VPS45: variants seen among roughly 807,000 people sequenced by gnomAD.
The protein encoded by VPS45 is vacuolar protein sorting-associated protein 45.
VPS45 carries 35 observed loss-of-function variants against 75.9 expected under a neutral mutation model. That is an observed-to-expected ratio of 0.46 (90% confidence interval 0.35 to 0.61). The LOEUF (loss-of-function observed/expected upper bound fraction) is 0.61. Ranked by LOEUF, VPS45 falls within the 20% of genes least tolerant of loss-of-function variation. The probability of loss-of-function intolerance (pLI) is 0.00; values close to 1 mark genes in which losing one functional copy is unlikely to be tolerated. For missense variants in VPS45, 559 were observed against 685.9 expected (o/e 0.81, Z 2.07); for synonymous variants, 220 against 238.2 (o/e 0.92, Z 0.70).
intron 14 of VPS45, among the ~76,000 whole-genome samples, chr1:150,117,215 T>C (rs782594574): frequency 1.3e-5 from 2 of 148,312 alleles, no homozygotes; most frequent in Non-Finnish European, 3.0e-5. Context: ...AATAATAAAA[T>C]AATAATAATA....
In VPS45 at chr1:150,067,817, G is replaced by C. The variant is rs782192731; in HGVS notation, c.-41G>C. On this transcript the variant is annotated 5_prime_UTR_variant, in exon 1 of 15. Transcript: ENST00000644510. ...ACTGGGGGTTAATTTAGCCAGAAAA[G>C]GGGGCGGGAAGGGCTGTAGGGTACT... The C allele has an allele frequency of 6.3e-7, 1 of 1,598,726 alleles. No individual in the cohort carries two copies. Among genetic ancestry groups the C allele is most frequent in the Non-Finnish European group, 8.6e-7 (1 of 1,167,224 alleles).
intron 14 of VPS45, among the ~76,000 whole-genome samples, chr1:150,112,606 C>T (rs1657704999): frequency 6.6e-6 from 1 of 152,122 alleles, no homozygotes; most frequent in Admixed American, 6.6e-5. Context: ...ATTCTCCAGA[C>T]ACCAACTGGA....
intron 7 of VPS45, among the ~76,000 whole-genome samples, chr1:150,079,433 CAG>C (rs1382285668): frequency 6.6e-6 from 1 of 152,144 alleles, no homozygotes; most frequent in African/African-American, 2.4e-5. Flanking sequence ...TTTATTGAGA[CAG>C]AGTCTCTCTC....
intron 2 of VPS45, 26 bp from the exon 3 acceptor site, chr1:150,072,140 T>C: frequency 6.3e-7 from 1 of 1,596,778 alleles, no homozygotes; most frequent in South Asian, 1.1e-5. Context: ...TCCTCATATT[T>C]TGTTTGCTTG....
intron 3 of VPS45, among the ~76,000 whole-genome samples, chr1:150,072,612 G>A (rs1655139478): frequency 7.0e-6 from 1 of 143,728 alleles, no homozygotes; most frequent in Admixed American, 7.1e-5. Flanking sequence ...AGCCGAGATT[G>A]CGCCATTGCA....
Position 150,074,016 on chromosome 1 carries a change from G to GTTT in VPS45, c.289+1800_289+1802dup, listed in dbSNP as rs587695099. On this transcript the variant is annotated intron_variant, in intron 3 of 14. Coordinates refer to ENST00000644510, the MANE Select transcript of VPS45 (RefSeq NM_007259.5). ...CTGTGTGTGTGTGTGTGTTGTTTTT[G>GTTT]TTTTTTTTTTTTGTCCGAGAAGCAG... 4.7e-5 allele frequency among the ~76,000 whole-genome samples: 7 copies of GTTT among 147,388 alleles called. 1 individual carries two copies. The highest frequency in any genetic ancestry group is 7.5e-5 in the Non-Finnish European group (5 of 67,050).
intron 7 of VPS45, among the ~76,000 whole-genome samples, chr1:150,079,461 C>T (rs147656139): frequency 6.6e-6 from 1 of 152,256 alleles, no homozygotes; most frequent in Non-Finnish European, 1.5e-5. Context: ...CCCAGATTGG[C>T]GTGATCTCAG....
At chr1:150,075,327 C>T (rs191061353) in intron 3 of VPS45, among the ~76,000 whole-genome samples, 1 of 152,142 alleles carries the variant, frequency 6.6e-6, no homozygotes, top group African/African-American at 2.4e-5. Flanking sequence ...TTGCTGATTG[C>T]ATCCCCAGGG....
chr1:150,120,320 C>A (rs1415593594), intron 14 of VPS45, among the ~76,000 whole-genome samples: 1 of 152,122 alleles, frequency 6.6e-6, no homozygotes, highest in Non-Finnish European at 1.5e-5. Flanking sequence ...ATTTTTATTT[C>A]TGACATATAT....
chr1:150,074,358 C>T (rs1262509995), intron 3 of VPS45, among the ~76,000 whole-genome samples: 6 of 151,714 alleles, frequency 4.0e-5, no homozygotes, highest in African/African-American at 1.5e-4. Flanking sequence ...CTCCTTTGAG[C>T]TGGAACTGCA....
chr1:150,120,996 T>C (rs1658205938), intron 14 of VPS45, among the ~76,000 whole-genome samples: 1 of 151,224 alleles, frequency 6.6e-6, no homozygotes, highest in African/African-American at 2.4e-5. Context: ...GCCTCCTGAG[T>C]AGCTGGGACT....
intron 14 of VPS45, among the ~76,000 whole-genome samples, chr1:150,113,622 G>A (rs900581381): frequency 5.3e-5 from 8 of 152,182 alleles, no homozygotes; most frequent in African/African-American, 1.2e-4. Flanking sequence ...TAAGCCAGGC[G>A]TGGTGGCTCC....
intron 14 of VPS45, among the ~76,000 whole-genome samples, chr1:150,131,241 G>A (rs1178298902): frequency 6.6e-6 from 1 of 152,194 alleles, no homozygotes; most frequent in Non-Finnish European, 1.5e-5. Context: ...GGGCATGGTG[G>A]CTCACACTTG....
chr1:150,083,074 T>C, intron 10 of VPS45, 191 bp downstream of exon 10: 1 of 554,762 alleles, frequency 1.8e-6, no homozygotes, highest in Non-Finnish European at 2.9e-6. Context: ...AATGTGCAAT[T>C]CCCAAGGGTT....
intron 7 of VPS45, 73 bp from the exon 8 acceptor site, chr1:150,081,269 T>G: frequency 7.0e-7 from 1 of 1,424,578 alleles, no homozygotes; most frequent in Non-Finnish European, 9.4e-7. Context: ...TATCAGTTTT[T>G]ATTTGTTTTC....
chr1:150,092,455 T>G, intron 12 of VPS45, 46 bp downstream of exon 12: 1 of 1,496,376 alleles, frequency 6.7e-7, no homozygotes, highest in Non-Finnish European at 9.2e-7. Flanking sequence ...ACAGTTGAAG[T>G]CCTTGAGGCT....
intron 6 of VPS45, 32 bp downstream of exon 6, chr1:150,077,263 A>C (rs1553798333): frequency 6.3e-7 from 1 of 1,594,356 alleles, no homozygotes; most frequent in South Asian, 1.1e-5. Flanking sequence ...GTTCCAAAAC[A>C]TAAAGGCCAT....
chr1:150,075,746 G>T (rs587721090), intron 3 of VPS45, among the ~76,000 whole-genome samples: 1 of 152,026 alleles, frequency 6.6e-6, no homozygotes, highest in South Asian at 2.1e-4. Flanking sequence ...TACTTCCCTA[G>T]TATTCTCATT....
At chr1:150,115,911 A>G (rs1469625273) in intron 14 of VPS45, among the ~76,000 whole-genome samples, 4 of 152,168 alleles carry the variant, frequency 2.6e-5, no homozygotes, top group African/African-American at 7.2e-5. Context: ...GCACACACCT[A>G]TTAGATAGTT....
Sources: allele counts gnomAD v4.1 joint callset (sites outside exome capture counted in the v4.1 genomes callset), GRCh38; gene constraint gnomAD v4.1.1; transcripts MANE v1.5; gene names NCBI Gene and HGNC (gene_info 2026-07-23, HGNC 2026-07-21).